The following DGKB variants were observed in gnomAD, a reference collection of about 807,000 sequenced individuals.
DGKB encodes diacylglycerol kinase beta.
DGKB carries 67 observed loss-of-function variants against 114.3 expected under a neutral mutation model. The observed-to-expected ratio is 0.59, with a 90% CI of 0.48 to 0.72. The LOEUF (loss-of-function observed/expected upper bound fraction) is 0.72. Among genes scored for constraint, DGKB ranks in the 30% least tolerant of loss-of-function variants. The pLI is 0.00. For missense variants in DGKB, 907 were observed against 975.2 expected (o/e 0.93, Z 0.93); for synonymous variants, 398 against 323.1 (o/e 1.23, Z -2.49).
chr7:14,521,068 AT>A (rs1261310035), intron 20 of DGKB, among the ~76,000 whole-genome samples: 2 of 151,922 alleles, frequency 1.3e-5, no homozygotes, highest in African/African-American at 2.4e-5. Context: ...GATGTCAGGA[AT>A]TTTTTTGTAT....
chr7:14,765,005 C>T (rs988779521), intron 2 of DGKB, among the ~76,000 whole-genome samples: 3 of 151,830 alleles, frequency 2.0e-5, no homozygotes, highest in Non-Finnish European at 4.4e-5. Flanking sequence ...AAGTTTTTAT[C>T]TACTTGTGTG....
At chr7:14,687,178 G>T (rs1279721661) in intron 9 of DGKB, among the ~76,000 whole-genome samples, 1 of 152,008 alleles carries the variant, frequency 6.6e-6, no homozygotes, top group South Asian at 2.1e-4. Flanking sequence ...TGCTCTCTTT[G>T]TTGTGAATAA....
intron 2 of DGKB, among the ~76,000 whole-genome samples, chr7:14,812,917 A>G (rs955768186): frequency 3.1e-4 from 47 of 152,142 alleles, no homozygotes; most frequent in African/African-American, 1.0e-3. Context: ...TTTATTCCCA[A>G]TCCACAACTC....
At chr7:14,318,850 C>T (rs530285088) in intron 23 of DGKB, among the ~76,000 whole-genome samples, 81 of 152,178 alleles carry the variant, frequency 5.3e-4, no homozygotes, top group African/African-American at 7.9e-4. Context: ...ATGTTTATTG[C>T]GGCATTATTC....
intron 21 of DGKB, among the ~76,000 whole-genome samples, chr7:14,401,000 T>A (rs565665070): frequency 5.9e-5 from 9 of 151,846 alleles, no homozygotes; most frequent in Admixed American, 3.3e-4. Flanking sequence ...TCTTGTTGAC[T>A]ACAAAATCAC....
At chr7:14,570,327 C>T (rs1370737840) in intron 20 of DGKB, among the ~76,000 whole-genome samples, 2 of 151,736 alleles carry the variant, frequency 1.3e-5, no homozygotes, top group Non-Finnish European at 2.9e-5. Context: ...TATAGCTTTC[C>T]TTTTCAAGTT....
chr7:14,573,470 TGTGTGTGTG>T (rs1563554102), intron 20 of DGKB, among the ~76,000 whole-genome samples: 46 of 24,368 alleles, frequency 1.9e-3, no homozygotes, highest in Middle Eastern at 0.021. Flanking sequence ...TCTATCTCTG[TGTGTGTGTG>T]TGTGTGTGTG....
intron 2 of DGKB, among the ~76,000 whole-genome samples, chr7:14,781,499 C>T (rs1003985901): frequency 6.6e-6 from 1 of 152,162 alleles, no homozygotes; most frequent in Non-Finnish European, 1.5e-5. Context: ...TCCTCACCTG[C>T]TAATATTCTG....
rs150774057 is a variant in DGKB, at chr7:14,515,776, G to A, written c.1771-37551C>T. 3.0e-3 allele frequency among the ~76,000 whole-genome samples: 453 copies of A among 152,182 alleles called. 1 individual carries two copies. The highest frequency in any genetic ancestry group is 4.4e-3 in the Non-Finnish European group (298 of 68,012). On this transcript the variant is annotated intron_variant, in intron 20 of 25. Coordinates refer to ENST00000402815, the MANE Select transcript of DGKB (RefSeq NM_001350709.2). ...TTTCTTAAAACTACTTGGATTATAC[G>A]TAAATAATGTAGTTATTACAGAACT... is the stretch of plus-strand genomic sequence containing the variant.
At chr7:14,191,975 A>G in intron 23 of DGKB, 1 of 644,142 alleles carries the variant, frequency 1.6e-6, no homozygotes, top group Non-Finnish European at 2.6e-6. Context: ...CATTGTCGAT[A>G]TGGTTCCTGG....
rs886603598 is a variant in DGKB, at chr7:14,371,177, A to G, written c.1836-25786T>C. 9.9e-5 allele frequency among the ~76,000 whole-genome samples: 15 copies of G among 152,168 alleles called. No homozygotes were observed. The South Asian group carries it at 2.5e-3, about 25-fold the overall frequency. On this transcript the variant is annotated intron_variant, in intron 21 of 25. Coordinates refer to ENST00000402815, the MANE Select transcript of DGKB (RefSeq NM_001350709.2). ...TAGAATCATTTATTTTCTTTTGGAT[A>G]TATACCCAGTAATGAGATTGCTGGG...
intron 23 of DGKB, among the ~76,000 whole-genome samples, chr7:14,301,466 C>G (rs1803527999): frequency 6.6e-6 from 1 of 152,112 alleles, no homozygotes. Flanking sequence ...GCAGAGACAA[C>G]AGCAATACTG....
At chr7:14,272,902 A>C (rs1369602972) in intron 23 of DGKB, among the ~76,000 whole-genome samples, 2 of 152,208 alleles carry the variant, frequency 1.3e-5, no homozygotes, top group East Asian at 1.9e-4. Context: ...GTAGGTTTGC[A>C]TGTTGAGACT....
chr7:14,360,116 T>C (rs1479210198), intron 21 of DGKB, among the ~76,000 whole-genome samples: 2 of 152,130 alleles, frequency 1.3e-5, no homozygotes, highest in African/African-American at 4.8e-5. Flanking sequence ...ATATACACCA[T>C]GGAATACTAT....
chr7:14,519,553 T>A (rs572707131), intron 20 of DGKB, among the ~76,000 whole-genome samples: 25 of 152,212 alleles, frequency 1.6e-4, no homozygotes, highest in Admixed American at 1.5e-3. Context: ...GAATATTACA[T>A]ACAACTATTT....
At chr7:14,657,523 A>G (rs1222014089) in intron 13 of DGKB, among the ~76,000 whole-genome samples, 1 of 151,976 alleles carries the variant, frequency 6.6e-6, no homozygotes, top group Non-Finnish European at 1.5e-5. Context: ...AGAACGTTGC[A>G]TAGGCACAAA....
At chr7:14,314,025 G>C (rs983017001) in intron 23 of DGKB, among the ~76,000 whole-genome samples, 2 of 152,146 alleles carry the variant, frequency 1.3e-5, no homozygotes, top group African/African-American at 2.4e-5. Context: ...GGGGCACACT[G>C]ACACCTCACA....
rs201829077 is a variant in DGKB, at chr7:14,682,792, A to G, written c.879T>C (p.Ser293=). The part of the protein sequence containing the change: ...HERCVARAPP[S]CIKTYVKSKR... Reference sequence around the variant, plus strand: ...TGGACTTCACATAGGTCTTGATGCAAGAGGGAGGTGCTCGAGCCACACAGC... The same window carrying G: ...TGGACTTCACATAGGTCTTGATGCAGGAGGGAGGTGCTCGAGCCACACAGC... Residue 293 remains serine (S), a synonymous_variant, in exon 11 of 26, where the codon TCT becomes TCC. Transcript: ENST00000402815. The G allele has an allele frequency of 6.1e-5, 98 of 1,608,752 alleles. No individual in the cohort carries two copies. Among genetic ancestry groups the G allele is most frequent in the Non-Finnish European group, 7.6e-5 (90 of 1,177,244 alleles).
intron 20 of DGKB, among the ~76,000 whole-genome samples, chr7:14,480,873 A>G (rs1256179693): frequency 2.6e-5 from 4 of 152,118 alleles, no homozygotes; most frequent in African/African-American, 9.6e-5. Flanking sequence ...TCATATTTTC[A>G]TACATCTTAT....
Sources: allele counts gnomAD v4.1 joint callset (sites outside exome capture counted in the v4.1 genomes callset), GRCh38; gene constraint gnomAD v4.1.1; transcripts MANE v1.5; gene names NCBI Gene and HGNC (gene_info 2026-07-23, HGNC 2026-07-21).